CCDC171: variants seen among roughly 807,000 people sequenced by gnomAD.
CCDC171 encodes coiled-coil domain-containing protein 171.
Under a neutral mutation model 168.2 loss-of-function variants are expected in CCDC171, and 177 were observed. That is an observed-to-expected ratio of 1.05 (90% CI 0.93 to 1.19). CCDC171 has a LOEUF of 1.19. CCDC171 is among the 50% of genes most tolerant of loss of function. The probability of loss-of-function intolerance (pLI) is 0.00; values close to 1 mark genes in which losing one functional copy is unlikely to be tolerated. For missense variants in CCDC171, 1,991 were observed against 1,539.0 expected (o/e 1.29, Z -4.91); for synonymous variants, 687 against 540.8 (o/e 1.27, Z -3.75).
chr9:15,990,524 G>C (rs887009045), intron 3 of CCDC171, among the ~76,000 whole-genome samples: 1 of 152,134 alleles, frequency 6.6e-6, no homozygotes, highest in African/African-American at 2.4e-5. Context: ...CAACTAACGA[G>C]CAAAATGACC....
chr9:15,636,886 A>T (rs1400326192), intron 7 of CCDC171, among the ~76,000 whole-genome samples: 2 of 151,928 alleles, frequency 1.3e-5, no homozygotes, highest in African/African-American at 4.8e-5. Flanking sequence ...ATTGTGTTAT[A>T]GTTGTGAGGC....
At chr9:15,913,133 T>C (rs1023739888) in intron 24 of CCDC171, among the ~76,000 whole-genome samples, 5 of 152,254 alleles carry the variant, frequency 3.3e-5, no homozygotes, top group African/African-American at 1.2e-4. Flanking sequence ...TTTTTGTACT[T>C]CTGATAGAAT....
At chr9:16,077,090 G>A in the CCDC171 span, among the ~76,000 whole-genome samples, 39 of 152,316 alleles carry the variant, frequency 2.6e-4, 1 homozygote, top group East Asian at 2.1e-3. Flanking sequence ...GGTTACATTA[G>A]GAAATTATCG....
At chr9:16,045,096 T>C (rs1044253218) in intron 1 of CCDC171, among the ~76,000 whole-genome samples, 3 of 152,200 alleles carry the variant, frequency 2.0e-5, no homozygotes, top group African/African-American at 7.2e-5. Flanking sequence ...GAGTGCTTCT[T>C]CTAGTGGGTA....
exon 2 of CCDC171, chr9:16,061,142 G>A (rs1230613342): frequency 6.6e-6 from 1 of 152,240 alleles, no homozygotes; most frequent in Non-Finnish European, 1.5e-5. Flanking sequence ...TACCAACCAG[G>A]TGGCTTTAGG....
downstream of CCDC171, among the ~76,000 whole-genome samples, chr9:15,978,929 C>G (rs953324341): frequency 2.6e-5 from 4 of 152,140 alleles, no homozygotes. Context: ...TGACCATAAT[C>G]TACTTTCTAT....
intron 25 of CCDC171, among the ~76,000 whole-genome samples, chr9:15,960,151 A>G (rs1403510042): frequency 1.3e-5 from 2 of 152,214 alleles, no homozygotes; most frequent in Non-Finnish European, 2.9e-5. Context: ...GGAAACTTCC[A>G]GTGCTATTGT....
intron 8 of CCDC171, among the ~76,000 whole-genome samples, chr9:15,663,025 A>C (rs543286794): frequency 6.8e-6 from 1 of 147,998 alleles, no homozygotes; most frequent in African/African-American, 2.5e-5. Flanking sequence ...ACAACAACAA[A>C]TTGCCTGATT....
In CCDC171 at chr9:15,632,919, G is replaced by A. The variant is rs151269139; in HGVS notation, c.822+9506G>A. Among the ~76,000 whole-genome samples the A allele has an allele frequency of 7.2e-3, 1,100 of 152,222 alleles. 6 individuals carry two copies. Among genetic ancestry groups the A allele is most frequent in the African/African-American group, 0.021 (873 of 41,534 alleles). Reference sequence around the variant, plus strand: ...CAAACCTGAGAAAAACAAGCAACGCGGAAAGGATTCCCTGTTTAATAAATG... The same window carrying A: ...CAAACCTGAGAAAAACAAGCAACGCAGAAAGGATTCCCTGTTTAATAAATG... On this transcript the variant is annotated intron_variant, in intron 7 of 25. Transcript: ENST00000380701.
At chr9:15,618,909 C>T (rs1417032770) in intron 6 of CCDC171, among the ~76,000 whole-genome samples, 1 of 151,956 alleles carries the variant, frequency 6.6e-6, no homozygotes, top group Admixed American at 6.6e-5. Flanking sequence ...CCACCTTCTG[C>T]GTTGGTCTCG....
intron 6 of CCDC171, among the ~76,000 whole-genome samples, chr9:16,024,777 A>G (rs1469505292): frequency 6.6e-6 from 1 of 152,210 alleles, no homozygotes; most frequent in Non-Finnish European, 1.5e-5. Flanking sequence ...CAGAAACAAT[A>G]TGGAAGAACA....
At chr9:15,873,057 C>T (rs1005003862) in intron 23 of CCDC171, among the ~76,000 whole-genome samples, 1 of 151,966 alleles carries the variant, frequency 6.6e-6, no homozygotes, top group Non-Finnish European at 1.5e-5. Flanking sequence ...ATAAAAATTA[C>T]ATCATAGTGT....
chr9:15,767,960 C>T (rs1025838280), intron 18 of CCDC171, among the ~76,000 whole-genome samples: 2 of 149,514 alleles, frequency 1.3e-5, no homozygotes, highest in Admixed American at 1.3e-4. Context: ...GTCTTGAACT[C>T]CTGAGCTTAG....
At chr9:15,775,399 C>T (rs1310896514) in intron 18 of CCDC171, among the ~76,000 whole-genome samples, 3 of 152,168 alleles carry the variant, frequency 2.0e-5, no homozygotes, top group Non-Finnish European at 4.4e-5. Flanking sequence ...GAGTCTCGCT[C>T]TGTTGCCCTC....
chr9:16,087,809 G>A, the CCDC171 span, among the ~76,000 whole-genome samples: 17 of 151,800 alleles, frequency 1.1e-4, no homozygotes, highest in African/African-American at 4.1e-4. Flanking sequence ...TGGTTATTTT[G>A]CCCTTTAGTT....
intron 21 of CCDC171, among the ~76,000 whole-genome samples, chr9:15,841,323 A>G (rs2060671715): frequency 6.6e-6 from 1 of 152,104 alleles, no homozygotes; most frequent in South Asian, 2.1e-4. Context: ...GTTGTCATAT[A>G]TAGGTGGAGA....
intron 11 of CCDC171, among the ~76,000 whole-genome samples, chr9:15,717,298 G>A (rs2134125799): frequency 6.6e-6 from 1 of 152,314 alleles, no homozygotes; most frequent in Non-Finnish European, 1.5e-5. Context: ...ACTAGTCCTA[G>A]CCAGAGGGGA....
intron 21 of CCDC171, among the ~76,000 whole-genome samples, chr9:15,824,686 C>A (rs570657488): frequency 9.9e-5 from 15 of 152,172 alleles, no homozygotes; most frequent in African/African-American, 3.6e-4. Context: ...TTCTATCCTG[C>A]GAACTCTTTA....
chr9:16,082,857 T>C, the CCDC171 span, among the ~76,000 whole-genome samples: 1 of 152,234 alleles, frequency 6.6e-6, no homozygotes, highest in Non-Finnish European at 1.5e-5. Flanking sequence ...TTGTCTAAGC[T>C]GTGCTTTAGC....
Sources: gnomAD v4.1 joint callset for allele counts (sites outside exome capture counted in the v4.1 genomes callset) on GRCh38, gnomAD v4.1.1 for gene constraint, MANE v1.5 for transcripts, NCBI Gene and HGNC (gene_info 2026-07-23, HGNC 2026-07-21) for gene names.